Variants in CNKSR2 observed in about 807,000 individuals in gnomAD.
CNKSR2 encodes CNK homolog protein 2.
CNKSR2 carries 14 observed loss-of-function variants against 84.4 expected under a neutral mutation model. The observed-to-expected ratio is 0.17, with a 90% CI of 0.11 to 0.26. The LOEUF (loss-of-function observed/expected upper bound fraction) is 0.26. CNKSR2 is among the 10% of genes least tolerant of loss of function. The pLI, the probability that CNKSR2 is intolerant of heterozygous loss-of-function variation, is 1.00. For missense variants in CNKSR2, 485 were observed against 771.2 expected (o/e 0.63, Z 4.40); for synonymous variants, 275 against 277.9 (o/e 0.99, Z 0.10).
intron 19 of CNKSR2, 122 bp from the exon 20 acceptor site, chrX:21,608,949 A>G: frequency 9.7e-7 from 1 of 1,026,853 alleles, no homozygotes; most frequent in South Asian, 3.0e-5. Flanking sequence ...TTGCCTAGTC[A>G]TTAACATGAC....
At chrX:21,557,561 T>TA (rs1022356717) in intron 11 of CNKSR2, among the ~76,000 whole-genome samples, 4 of 110,723 alleles carry the variant, frequency 3.6e-5, no homozygotes, top group Non-Finnish European at 7.6e-5. Context: ...AAAAGCCAAA[T>TA]AAAATAATGG....
chrX:21,483,196 GA>G (rs1251297940), intron 5 of CNKSR2, among the ~76,000 whole-genome samples: 1 of 111,465 alleles, frequency 9.0e-6, no homozygotes, highest in Non-Finnish European at 1.9e-5. Context: ...ACTGGATTAA[GA>G]AAATGTGGCA....
In CNKSR2 at chrX:21,616,912, G is replaced by A. The variant is rs139720769; in HGVS notation, c.2692+7295G>A. On this transcript the variant is annotated intron_variant, in intron 20 of 21. Transcript: ENST00000379510. ...CAACTTGTACTTTGGCAAATAACCA[G>A]TAGCCCTGCATCAGCCAGGAAAATA... Among the ~76,000 whole-genome samples the A allele has an allele frequency of 2.7e-3, 307 of 111,813 alleles. 1 individual carries two copies. Among genetic ancestry groups the A allele is most frequent in the Middle Eastern group, 0.014 (3 of 218 alleles).
intron 5 of CNKSR2, among the ~76,000 whole-genome samples, chrX:21,478,608 A>G (rs1451653547): frequency 8.9e-6 from 1 of 111,934 alleles, no homozygotes; most frequent in Non-Finnish European, 1.9e-5. Context: ...TCCTCACAGT[A>G]GTATTCATTT....
At chrX:21,609,026 G>A in intron 19 of CNKSR2, 45 bp from the exon 20 acceptor site, 1 of 1,159,155 alleles carries the variant, frequency 8.6e-7, no homozygotes, top group Non-Finnish European at 1.1e-6. Context: ...GAATGGAAGT[G>A]GTCTGTTATT....
At chrX:21,647,667 G>A (rs2092709814) in intron 20 of CNKSR2, among the ~76,000 whole-genome samples, 1 of 111,414 alleles carries the variant, frequency 9.0e-6, no homozygotes, top group Non-Finnish European at 1.9e-5. Flanking sequence ...TTGTTGTGAG[G>A]ATTAAATGAG....
At chrX:21,408,431 A>G (rs2090294151) in intron 1 of CNKSR2, among the ~76,000 whole-genome samples, 1 of 111,772 alleles carries the variant, frequency 8.9e-6, no homozygotes, top group Non-Finnish European at 1.9e-5. Context: ...AGAGCTTACT[A>G]AAAGATTGTT....
At chrX:21,585,965 A>G (rs2092385013) in intron 13 of CNKSR2, among the ~76,000 whole-genome samples, 1 of 111,767 alleles carries the variant, frequency 8.9e-6, no homozygotes, top group Admixed American at 9.5e-5. Context: ...TTAAATTCAC[A>G]TACATACACA....
At chrX:21,387,415 G>A (rs1401834594) in intron 1 of CNKSR2, among the ~76,000 whole-genome samples, 3 of 111,597 alleles carry the variant, frequency 2.7e-5, no homozygotes, top group African/African-American at 3.3e-5. Flanking sequence ...CAGGAAGGTC[G>A]AGGCTGCAGT....
intron 17 of CNKSR2, among the ~76,000 whole-genome samples, chrX:21,599,266 A>G (rs751422802): frequency 1.1e-4 from 12 of 110,085 alleles, no homozygotes; most frequent in East Asian, 5.6e-4. Flanking sequence ...TTAGTTTCCT[A>G]ATTTATTTCT....
chrX:21,610,209 A>G (rs1357130192), intron 20 of CNKSR2, among the ~76,000 whole-genome samples: 1 of 112,772 alleles, frequency 8.9e-6, no homozygotes, highest in African/African-American at 3.2e-5. Context: ...ATTTTCCAAA[A>G]GCATCCATCT....
chrX:21,420,323 C>G (rs2090478550), intron 1 of CNKSR2, among the ~76,000 whole-genome samples: 1 of 112,544 alleles, frequency 8.9e-6, no homozygotes, highest in African/African-American at 3.2e-5. Context: ...CAGGGCAGGT[C>G]CAGAAATGCC....
At chrX:21,545,151 T>C (rs1347329147) in intron 11 of CNKSR2, among the ~76,000 whole-genome samples, 2 of 111,758 alleles carry the variant, frequency 1.8e-5, no homozygotes, top group Non-Finnish European at 3.8e-5. Flanking sequence ...AAATTCTCAC[T>C]GCCAGCACGG....
Position 21,501,790 on chromosome X carries a change from G to A in CNKSR2, c.810+202G>A, listed in dbSNP as rs562913511. 3.0e-4 allele frequency among the ~76,000 whole-genome samples: 33 copies of A among 110,480 alleles called. No homozygotes were observed. The South Asian group carries it at 0.012, about 41-fold the overall frequency. On this transcript the variant is annotated intron_variant, in intron 8 of 21. Coordinates refer to ENST00000379510, the MANE Select transcript of CNKSR2 (RefSeq NM_014927.5). ...TAAAAGAACCTGAAGAGCATTGGTG[G>A]TGGTTGAGGTTAGATATACATTTCT...
intron 1 of CNKSR2, among the ~76,000 whole-genome samples, chrX:21,409,227 ATTATATATATATAT>A (rs2090306101): frequency 1.6e-5 from 1 of 63,196 alleles, no homozygotes; most frequent in African/African-American, 6.0e-5. Flanking sequence ...AAATGAAAAA[ATTATATATATATAT>A]ATATATATAT....
chrX:21,595,287 C>T, intron 16 of CNKSR2, 37 bp from the exon 17 acceptor site: 2 of 1,055,166 alleles, frequency 1.9e-6, no homozygotes, highest in Non-Finnish European at 2.6e-6. Flanking sequence ...AACTTATTTC[C>T]CAATTTGTAA....
At chrX:21,517,125 C>A (rs1043618040) in intron 9 of CNKSR2, among the ~76,000 whole-genome samples, 40 of 111,198 alleles carry the variant, frequency 3.6e-4, no homozygotes, top group African/African-American at 1.3e-3. Flanking sequence ...TGGCTCACAC[C>A]TGTAATCCCA....
intron 1 of CNKSR2, among the ~76,000 whole-genome samples, chrX:21,408,964 AAGTT>A (rs1352289698): frequency 1.7e-3 from 185 of 108,256 alleles, no homozygotes; most frequent in African/African-American, 5.7e-3. Flanking sequence ...TATCATCTAA[AAGTT>A]AGTTCTTAAA....
At chrX:21,419,941 C>T (rs1250628971) in intron 1 of CNKSR2, among the ~76,000 whole-genome samples, 1 of 112,446 alleles carries the variant, frequency 8.9e-6, no homozygotes, top group Non-Finnish European at 1.9e-5. Context: ...CTACAGTCAG[C>T]AAATGCCAAA....
Sources: allele counts gnomAD v4.1 joint callset (sites outside exome capture counted in the v4.1 genomes callset), GRCh38; gene constraint gnomAD v4.1.1; transcripts MANE v1.5; gene names NCBI Gene and HGNC (gene_info 2026-07-23, HGNC 2026-07-21).